The following NTNG1 variants were observed in gnomAD, a reference collection of about 807,000 sequenced individuals.
NTNG1 encodes the protein netrin-G1.
A neutral mutation model predicts 54.0 loss-of-function variants in NTNG1; 16 were observed. The ratio of observed to expected loss-of-function variants is 0.30; its 90% CI spans 0.20 to 0.45. The LOEUF (loss-of-function observed/expected upper bound fraction) is 0.45. Among genes scored for constraint, NTNG1 ranks in the 20% least tolerant of loss-of-function variants. The pLI is 1.00. For missense variants in NTNG1, 530 were observed against 678.7 expected (o/e 0.78, Z 2.43); for synonymous variants, 255 against 263.1 (o/e 0.97, Z 0.30).
At chr1:107,367,171 G>C (rs1670646279) in intron 3 of NTNG1, among the ~76,000 whole-genome samples, 1 of 151,904 alleles carries the variant, frequency 6.6e-6, no homozygotes, top group Admixed American at 6.6e-5. Context: ...CTGTCCTACA[G>C]ATATAACAGG....
chr1:107,450,966 C>T (rs1178764955), intron 7 of NTNG1, among the ~76,000 whole-genome samples: 1 of 152,086 alleles, frequency 6.6e-6, no homozygotes, highest in African/African-American at 2.4e-5. Context: ...ACTGGGCAGT[C>T]ACAATTCATA....
chr1:107,295,798 C>G (rs933446158), intron 2 of NTNG1, among the ~76,000 whole-genome samples: 1 of 151,912 alleles, frequency 6.6e-6, no homozygotes, highest in African/African-American at 2.4e-5. Flanking sequence ...ATGACAGAAT[C>G]AAGAATCAAA....
At chr1:107,256,346 C>T (rs564958731) in intron 2 of NTNG1, among the ~76,000 whole-genome samples, 106 of 152,298 alleles carry the variant, frequency 7.0e-4, no homozygotes, top group African/African-American at 2.4e-3. Flanking sequence ...GCTAACTGGA[C>T]TCATTCATTC....
At chr1:107,152,033 C>CATAT (rs1654610661) in intron 2 of NTNG1, among the ~76,000 whole-genome samples, 2 of 151,118 alleles carry the variant, frequency 1.3e-5, no homozygotes, top group African/African-American at 4.9e-5. Context: ...TATATATATA[C>CATAT]ATACATATAT....
intron 2 of NTNG1, among the ~76,000 whole-genome samples, chr1:107,261,737 G>A (rs947683759): frequency 6.6e-6 from 1 of 152,300 alleles, no homozygotes; most frequent in Non-Finnish European, 1.5e-5. Context: ...CAGCTACTCG[G>A]GAGGCTGAGG....
intron 5 of NTNG1, among the ~76,000 whole-genome samples, chr1:107,428,098 C>T (rs377541783): frequency 7.9e-5 from 12 of 152,116 alleles, no homozygotes; most frequent in African/African-American, 2.7e-4. Context: ...CTTTAGGTAC[C>T]CACAAAGGAA....
At chr1:107,436,443 T>C (rs1675599785) in intron 6 of NTNG1, among the ~76,000 whole-genome samples, 1 of 152,208 alleles carries the variant, frequency 6.6e-6, no homozygotes, top group African/African-American at 2.4e-5. Flanking sequence ...CTTATTTCCT[T>C]GGAAGTTTTC....
intron 7 of NTNG1, among the ~76,000 whole-genome samples, chr1:107,447,768 A>G (rs1034857565): frequency 1.3e-5 from 2 of 152,114 alleles, no homozygotes; most frequent in East Asian, 1.9e-4. Context: ...CCTTCGTTTC[A>G]TCTTTGGTTA....
chr1:107,252,776 C>A (rs1397129296), intron 2 of NTNG1, among the ~76,000 whole-genome samples: 1 of 152,116 alleles, frequency 6.6e-6, no homozygotes, highest in Non-Finnish European at 1.5e-5. Context: ...GGTTTGGTTC[C>A]CTAGATTAAG....
chr1:107,259,992 G>T (rs1042467160), intron 2 of NTNG1, among the ~76,000 whole-genome samples: 5 of 152,062 alleles, frequency 3.3e-5, no homozygotes, highest in Admixed American at 3.3e-4. Flanking sequence ...CCATAGAGCC[G>T]AGATAGTAAA....
intron 7 of NTNG1, among the ~76,000 whole-genome samples, chr1:107,470,597 C>T (rs550993429): frequency 5.3e-5 from 8 of 152,286 alleles, no homozygotes; most frequent in South Asian, 2.1e-4. Context: ...TACTTTGAAA[C>T]GATGATTTTT....
chr1:107,262,380 A>G (rs572766312), intron 2 of NTNG1, among the ~76,000 whole-genome samples: 5 of 152,328 alleles, frequency 3.3e-5, no homozygotes, highest in African/African-American at 1.2e-4. Flanking sequence ...TTTTGTCACA[A>G]AAGATTAAAA....
At chr1:107,193,078 A>C (rs1658078828) in intron 2 of NTNG1, among the ~76,000 whole-genome samples, 1 of 152,086 alleles carries the variant, frequency 6.6e-6, no homozygotes, top group African/African-American at 2.4e-5. Flanking sequence ...CTAATTGTTC[A>C]ATGGTTAGAC....
At chr1:107,343,601 G>A (rs973993039) in intron 3 of NTNG1, among the ~76,000 whole-genome samples, 1 of 151,782 alleles carries the variant, frequency 6.6e-6, no homozygotes, top group African/African-American at 2.4e-5. Flanking sequence ...AGAAGAAAAG[G>A]CTGCAGGAGA....
At chr1:107,150,183 G>A (rs1045533191) in intron 2 of NTNG1, among the ~76,000 whole-genome samples, 8 of 152,152 alleles carry the variant, frequency 5.3e-5, no homozygotes, top group African/African-American at 1.9e-4. Context: ...TGCCCTGAAA[G>A]ACTAAATATT....
chr1:107,148,991 G>A (rs1654351065), intron 2 of NTNG1, 152 bp downstream of exon 2: 2 of 734,514 alleles, frequency 2.7e-6, no homozygotes, highest in African/African-American at 1.8e-5. Flanking sequence ...TCTCAGTGGA[G>A]GCTTACACTG....
chr1:107,377,744 A>G (rs189606089), intron 3 of NTNG1, among the ~76,000 whole-genome samples: 84 of 152,358 alleles, frequency 5.5e-4, no homozygotes, highest in African/African-American at 1.9e-3. Context: ...TTTCAGGAAT[A>G]AGGCAGCATA....
intron 2 of NTNG1, among the ~76,000 whole-genome samples, chr1:107,310,048 GCC>G (rs1166192351): frequency 6.6e-6 from 1 of 152,026 alleles, no homozygotes; most frequent in African/African-American, 2.4e-5. Flanking sequence ...CAAATAGAAA[GCC>G]CCTTTTAAAA....
chr1:107,202,391 C>T (rs931693319), intron 2 of NTNG1, among the ~76,000 whole-genome samples: 10 of 151,746 alleles, frequency 6.6e-5, no homozygotes, highest in Non-Finnish European at 1.3e-4. Context: ...AGTTAATGTA[C>T]GTAAAATACT....
Sources: allele counts gnomAD v4.1 joint callset (sites outside exome capture counted in the v4.1 genomes callset), GRCh38; gene constraint gnomAD v4.1.1; transcripts MANE v1.5; gene names NCBI Gene and HGNC (gene_info 2026-07-23, HGNC 2026-07-21).